L3MBTL3: variants seen among roughly 807,000 people sequenced by gnomAD.
The protein encoded by L3MBTL3 is L3MBTL histone methyl-lysine binding protein 3.
A neutral mutation model predicts 102.3 loss-of-function variants in L3MBTL3; 27 were observed. That is an observed-to-expected ratio of 0.26 (90% CI 0.19 to 0.36). The LOEUF is 0.36. Among genes scored for constraint, L3MBTL3 ranks in the 10% least tolerant of loss-of-function variants. The probability of loss-of-function intolerance (pLI) is 1.00; values close to 1 mark genes in which losing one functional copy is unlikely to be tolerated. For missense variants in L3MBTL3, 798 were observed against 955.3 expected (o/e 0.84, Z 2.17); for synonymous variants, 340 against 320.9 (o/e 1.06, Z -0.64).
intron 10 of L3MBTL3, 67 bp from the exon 11 acceptor site, chr6:130,066,286 G>GTGTATATATATCTA: frequency 2.6e-6 from 1 of 384,432 alleles, no homozygotes; most frequent in Non-Finnish European, 4.1e-6. Context: ...TTATTTTTGT[G>GTGTATATATATCTA]TATATATATA....
At chr6:130,048,559 C>T (rs1780866561) in intron 3 of L3MBTL3, among the ~76,000 whole-genome samples, 1 of 152,126 alleles carries the variant, frequency 6.6e-6, no homozygotes, top group Non-Finnish European at 1.5e-5. Context: ...AATGGAATGT[C>T]CATGAAATCA....
At chr6:130,055,132 C>A in intron 7 of L3MBTL3, 39 bp from the exon 8 acceptor site, 3 of 1,521,160 alleles carry the variant, frequency 2.0e-6, no homozygotes, top group African/African-American at 2.7e-5. Flanking sequence ...GTGCCAATTT[C>A]TTGAACTTTA....
chr6:130,125,373 TTA>T (rs888923175), intron 20 of L3MBTL3, among the ~76,000 whole-genome samples: 34 of 152,216 alleles, frequency 2.2e-4, no homozygotes, highest in African/African-American at 7.5e-4. Flanking sequence ...ATTTTTTGTT[TTA>T]TAGAGTTTAT....
intron 18 of L3MBTL3, among the ~76,000 whole-genome samples, chr6:130,097,794 G>A (rs569993242): frequency 8.0e-4 from 122 of 152,214 alleles, no homozygotes; most frequent in Non-Finnish European, 1.4e-3. Flanking sequence ...TTGGCCAGGC[G>A]CAGTGGCTCA....
At chr6:130,031,632 T>A (rs1375114150) in intron 2 of L3MBTL3, among the ~76,000 whole-genome samples, 1 of 152,162 alleles carries the variant, frequency 6.6e-6, no homozygotes, top group Non-Finnish European at 1.5e-5. Flanking sequence ...TAGTCTTGTT[T>A]AAGTGCAATC....
At chr6:130,137,186 G>C (rs1787777994) in intron 22 of L3MBTL3, among the ~76,000 whole-genome samples, 1 of 152,158 alleles carries the variant, frequency 6.6e-6, no homozygotes, top group Non-Finnish European at 1.5e-5. Context: ...CTGTGGTTTC[G>C]AGTTAAGGCA....
chr6:130,126,115 C>A (rs1027248368), intron 20 of L3MBTL3, among the ~76,000 whole-genome samples: 1 of 150,320 alleles, frequency 6.7e-6, no homozygotes, highest in Admixed American at 6.6e-5. Flanking sequence ...CTCCCTCCCT[C>A]CCTCTCTTTT....
intron 7 of L3MBTL3, 23 bp from the exon 8 acceptor site, chr6:130,055,148 A>G (rs761490096): frequency 3.1e-6 from 5 of 1,595,546 alleles, no homozygotes; most frequent in Non-Finnish European, 4.3e-6. Context: ...CTTTAAAGTC[A>G]TAATTTTCCT....
chr6:130,044,416 G>A (rs1260252286), intron 3 of L3MBTL3, among the ~76,000 whole-genome samples: 2 of 151,798 alleles, frequency 1.3e-5, no homozygotes, highest in Admixed American at 6.6e-5. Context: ...AAACTGTCAC[G>A]TGGATGATGA....
At chr6:130,053,463 T>A (rs974645306) in intron 7 of L3MBTL3, among the ~76,000 whole-genome samples, 2 of 151,936 alleles carry the variant, frequency 1.3e-5, no homozygotes, top group East Asian at 3.9e-4. Flanking sequence ...GTGAAACCCC[T>A]TCCTTACTAA....
chr6:130,109,038 A>C (rs990752832), intron 19 of L3MBTL3, among the ~76,000 whole-genome samples: 1 of 152,064 alleles, frequency 6.6e-6, no homozygotes, highest in African/African-American at 2.4e-5. Flanking sequence ...ACATGAACTC[A>C]TTCTTTTTTA....
At chr6:130,061,641 T>C (rs1405817242) in intron 10 of L3MBTL3, among the ~76,000 whole-genome samples, 1 of 152,224 alleles carries the variant, frequency 6.6e-6, no homozygotes, top group African/African-American at 2.4e-5. Context: ...CTCTCCTTCC[T>C]GGACTCAAGT....
chr6:130,106,764 AGC>A (rs1228887118), intron 19 of L3MBTL3, among the ~76,000 whole-genome samples: 1 of 152,108 alleles, frequency 6.6e-6, no homozygotes, highest in African/African-American at 2.4e-5. Flanking sequence ...GAGGTCAAAG[AGC>A]CCTTCTCCCT....
In L3MBTL3 at chr6:130,102,767, C is replaced by T. The variant is rs373908227; in HGVS notation, c.1737-1659C>T. 1.1e-4 allele frequency among the ~76,000 whole-genome samples: 17 copies of T among 152,330 alleles called. No homozygotes were observed. The East Asian group carries it at 1.9e-3, about 17-fold the overall frequency. On this transcript the variant is annotated intron_variant, in intron 18 of 22. Coordinates refer to ENST00000361794, the MANE Select transcript of L3MBTL3 (RefSeq NM_032438.4). ...TCTTCCTGACCATTACAGCTCTGCT[C>T]GGGTGCTTCTTCTCCAAGGAGGACC...
At chr6:130,114,017 C>T (rs371781281) in intron 19 of L3MBTL3, among the ~76,000 whole-genome samples, 18 of 152,158 alleles carry the variant, frequency 1.2e-4, no homozygotes, top group South Asian at 2.1e-4. Flanking sequence ...TGTTGAATAT[C>T]GGCGAAAGTA....
intron 20 of L3MBTL3, among the ~76,000 whole-genome samples, chr6:130,123,736 A>G (rs916447617): frequency 6.6e-6 from 1 of 152,202 alleles, no homozygotes; most frequent in Admixed American, 6.5e-5. Flanking sequence ...AGATTTGGAT[A>G]GCACTTTGTC....
intron 2 of L3MBTL3, among the ~76,000 whole-genome samples, chr6:130,032,837 T>A (rs1183454433): frequency 6.6e-6 from 1 of 152,040 alleles, no homozygotes; most frequent in African/African-American, 2.4e-5. Flanking sequence ...ACAAAAAATT[T>A]AAAACATTAG....
At chr6:130,085,796 G>T (rs1221491590) in intron 15 of L3MBTL3, among the ~76,000 whole-genome samples, 1 of 151,632 alleles carries the variant, frequency 6.6e-6, no homozygotes, top group Non-Finnish European at 1.5e-5. Flanking sequence ...TCCCTCTGTT[G>T]CCCAGGCTGG....
At chr6:130,095,777 T>C (rs1249265572) in intron 18 of L3MBTL3, among the ~76,000 whole-genome samples, 1 of 152,084 alleles carries the variant, frequency 6.6e-6, no homozygotes, top group African/African-American at 2.4e-5. Flanking sequence ...CAAGAGAGCA[T>C]GTGTGAGAGA....
Sources: allele counts gnomAD v4.1 joint callset (sites outside exome capture counted in the v4.1 genomes callset), GRCh38; gene constraint gnomAD v4.1.1; transcripts MANE v1.5; gene names NCBI Gene and HGNC (gene_info 2026-07-23, HGNC 2026-07-21).